The following USP48 variants were observed in gnomAD, a reference collection of about 807,000 sequenced individuals.
The protein encoded by USP48 is ubiquitin specific peptidase 48, also known as ubiquitin carboxyl-terminal hydrolase 48.
USP48 carries 43 observed loss-of-function variants against 150.7 expected under a neutral mutation model. The ratio of observed to expected loss-of-function variants is 0.29; its 90% CI spans 0.22 to 0.37. The LOEUF is 0.37. Ranked by LOEUF, USP48 falls within the 10% of genes least tolerant of loss-of-function variation. USP48 has a pLI of 1.00. For synonymous variants in USP48, 396 were observed against 425.9 expected (o/e 0.93, Z 0.86); for missense variants, 813 against 1,249.6 (o/e 0.65, Z 5.27).
chr1:21,745,365 G>A (rs527756150), intron 8 of USP48, among the ~76,000 whole-genome samples: 5 of 151,886 alleles, frequency 3.3e-5, no homozygotes, highest in South Asian at 2.1e-4. Context: ...CAGCACTTTC[G>A]GGAGGCTGAA....
intron 11 of USP48, among the ~76,000 whole-genome samples, chr1:21,725,292 T>A (rs1005891363): frequency 1.3e-5 from 2 of 152,232 alleles, no homozygotes; most frequent in Non-Finnish European, 2.9e-5. Context: ...TTTCTATGTT[T>A]CCAGTCTTTT....
chr1:21,753,013 G>A lies in USP48; in HGVS notation c.519C>T (p.Gly173=), dbSNP rs1163153776. ...IDPSGFVKAL[G]LDTGQQQDAQ... Reference sequence around the variant, plus strand: ...TTACCTGCTGTTGTCCAGTGTCCAGGCCCAAGGCTTTAACAAATCCTGATG... The same window carrying A: ...TTACCTGCTGTTGTCCAGTGTCCAGACCCAAGGCTTTAACAAATCCTGATG... The change falls in exon 4 of 27, where the codon GGC becomes GGT. Residue 173 remains glycine (G), a synonymous_variant. Coordinates refer to ENST00000308271, the MANE Select transcript of USP48 (RefSeq NM_032236.8). 6.2e-7 allele frequency: 1 copy of A among 1,606,134 alleles called. No individual in the cohort carries two copies. The highest frequency in any genetic ancestry group is 8.5e-7 in the Non-Finnish European group (1 of 1,178,260).
intron 15 of USP48, among the ~76,000 whole-genome samples, chr1:21,714,937 C>G (rs1413656558): frequency 6.6e-6 from 1 of 152,152 alleles, no homozygotes; most frequent in African/African-American, 2.4e-5. Flanking sequence ...TAAAAATTAG[C>G]TGGGTGTGAT....
intron 8 of USP48, 56 bp from the exon 9 acceptor site, chr1:21,736,681 C>T: frequency 7.5e-7 from 1 of 1,331,270 alleles, no homozygotes; most frequent in East Asian, 2.8e-5. Flanking sequence ...TTTCTTATAT[C>T]CTGAGCCTGA....
Position 21,706,606 on chromosome 1 carries a change from C to A in USP48, c.2089-17G>T, listed in dbSNP as rs570055627. On this transcript the variant is annotated splice_polypyrimidine_tract_variant and intron_variant, in intron 16 of 26. Transcript: ENST00000308271. ...TTCTAAAATCTGAAAGAGAATGAAG[C>A]AATCAACTGTCTCCTGCTGACAGCA... 4 of 1,613,966 alleles carry A rather than the reference C, an allele frequency of 2.5e-6. No homozygotes were observed. Among genetic ancestry groups the A allele is most frequent in the Non-Finnish European group, 3.4e-6 (4 of 1,180,006 alleles).
chr1:21,775,389 G>A (rs1459763094), intron 1 of USP48, among the ~76,000 whole-genome samples: 1 of 152,176 alleles, frequency 6.6e-6, no homozygotes, highest in Non-Finnish European at 1.5e-5. Flanking sequence ...AGCCTCCTGA[G>A]TAGCTGGAAT....
intron 8 of USP48, among the ~76,000 whole-genome samples, chr1:21,744,474 C>G (rs2097789455): frequency 6.8e-6 from 1 of 146,398 alleles, no homozygotes; most frequent in South Asian, 2.1e-4. Flanking sequence ...AAAAAAACTT[C>G]AGAATTAACA....
intron 1 of USP48, among the ~76,000 whole-genome samples, chr1:21,778,971 C>T (rs573765935): frequency 3.4e-4 from 52 of 152,024 alleles, no homozygotes; most frequent in African/African-American, 1.0e-3. Context: ...TTAGTAGAGA[C>T]GGAGTTTCAC....
rs116720622 is a variant in USP48 at position 21,719,008 on chromosome 1, T to A, written c.1894+2028A>T. ...TCAGCTGGGTGCAGTAGCTCACACC[T>A]GTAATCCTAGCACTTTGGGAGGCCA... On this transcript the variant is annotated intron_variant, in intron 14 of 26. Coordinates refer to ENST00000308271, the MANE Select transcript of USP48 (RefSeq NM_032236.8). 8.6e-3 allele frequency among the ~76,000 whole-genome samples: 1,311 copies of A among 152,234 alleles called. 12 individuals carry two copies. The highest frequency in any genetic ancestry group is 0.014 in the Middle Eastern group (4 of 294).
At chr1:21,704,487 TA>T (rs1444588074) in intron 19 of USP48, 95 bp from the exon 20 acceptor site, 4 of 1,308,770 alleles carry the variant, frequency 3.1e-6, no homozygotes, top group Non-Finnish European at 4.1e-6. Flanking sequence ...CCATTAACAC[TA>T]ACATTTAATC....
chr1:21,759,817 C>A (rs2097845855), intron 1 of USP48, among the ~76,000 whole-genome samples: 1 of 152,174 alleles, frequency 6.6e-6, no homozygotes, highest in Admixed American at 6.6e-5. Flanking sequence ...AATTAAAAAT[C>A]TCCATTTGGC....
chr1:21,757,728 A>C lies in USP48; in HGVS notation c.190T>G (p.Leu64Val). The change falls in exon 2 of 27, where the codon TTA becomes GTA. Residue 64 changes from leucine (L) to valine (V), a missense_variant. By Grantham distance (32) the Leu-to-Val change is conservative. Coordinates refer to ENST00000308271, the MANE Select transcript of USP48 (RefSeq NM_032236.8). ...CLVGIGEHIW[L>V]GEIDENSFHN... is the part of the protein sequence containing the mutation. ...AAACTATTTTCATCTATTTCTCCTA[A>C]CCAAATATGCTCACCAATACCAACC... 1.2e-6 allele frequency: 2 copies of C among 1,613,236 alleles called. No homozygotes were observed. The highest frequency in any genetic ancestry group is 1.7e-6 in the Non-Finnish European group (2 of 1,179,686).
chr1:21,752,002 G>A (rs1390614329), intron 5 of USP48, among the ~76,000 whole-genome samples: 2 of 137,048 alleles, frequency 1.5e-5, no homozygotes, highest in Non-Finnish European at 1.5e-5. Context: ...GGGCAACAGA[G>A]CAAGAGTCCA....
At chr1:21,728,380 G>A (rs1033598509) in intron 11 of USP48, 190 bp downstream of exon 11, 13 of 1,336,764 alleles carry the variant, frequency 9.7e-6, no homozygotes, top group South Asian at 2.3e-5. Context: ...GGAGTACAAC[G>A]TAATGAAATA....
intron 8 of USP48, among the ~76,000 whole-genome samples, chr1:21,737,355 A>T (rs1449808436): frequency 3.3e-5 from 5 of 152,238 alleles, no homozygotes; most frequent in Non-Finnish European, 5.9e-5. Flanking sequence ...ATGAAAACTT[A>T]AAAAATCTAG....
Position 21,721,165 on chromosome 1 carries a change from T to C in USP48, c.1765A>G (p.Ser589Gly). The C allele has an allele frequency of 6.2e-7, 1 of 1,614,190 alleles. No homozygotes were observed. The highest frequency in any genetic ancestry group is 8.5e-7 in the Non-Finnish European group (1 of 1,180,004). ...NNLLKAAVKG[S>G]DGFWVGKSSL... ...GACTTCCCCACCCAAAATCCATCGC[T>C]GCTGTGGAACAGAGAGAATGTTAAA... Residue 589 changes from serine to glycine, a missense_variant and splice_region_variant, in exon 14 of 27, where the codon AGC becomes GGC. Transcript: ENST00000308271.
chr1:21,731,388 C>T (rs1415191121), intron 9 of USP48, among the ~76,000 whole-genome samples: 1 of 151,892 alleles, frequency 6.6e-6, no homozygotes, highest in African/African-American at 2.4e-5. Flanking sequence ...CTTAGCCTCC[C>T]CATTAGCTAG....
rs145260998 is a variant in USP48, at chr1:21,776,084, G to A, written c.134+6740C>T. Among the ~76,000 whole-genome samples, 665 of 152,150 alleles carry A rather than the reference G, an allele frequency of 4.4e-3. 6 individuals carry two copies. The highest frequency in any genetic ancestry group is 0.02 in the South Asian group (95 of 4,806). On this transcript the variant is annotated intron_variant, in intron 1 of 26. Transcript: ENST00000308271. ...TGTAAAGAGAAACCCTCATTCTGAGGGGCAATTTAGCAACATGGATCAATA... is the reference window on the plus strand; with the variant it reads ...TGTAAAGAGAAACCCTCATTCTGAGAGGCAATTTAGCAACATGGATCAATA...
intron 3 of USP48, among the ~76,000 whole-genome samples, chr1:21,755,204 T>C (rs140490026): frequency 1.3e-5 from 2 of 152,302 alleles, no homozygotes; most frequent in East Asian, 3.9e-4. Flanking sequence ...CAAGTCAATA[T>C]ATCATCTTCA....
Sources: gnomAD v4.1 joint callset for allele counts (sites outside exome capture counted in the v4.1 genomes callset) on GRCh38, gnomAD v4.1.1 for gene constraint, MANE v1.5 for transcripts, NCBI Gene and HGNC (gene_info 2026-07-23, HGNC 2026-07-21) for gene names.